Variants in CCKBR observed in about 807,000 individuals in gnomAD.
CCKBR encodes cholecystokinin B receptor.
In CCKBR, 33 loss-of-function variants were observed where a neutral mutation model predicts 34.6. That is an observed-to-expected ratio of 0.95 (90% CI 0.72 to 1.27). The LOEUF (loss-of-function observed/expected upper bound fraction) is 1.27. Ranked by LOEUF, CCKBR falls within the 50% of genes most tolerant of loss-of-function variation. The probability of loss-of-function intolerance (pLI) is 0.00; values close to 1 mark genes in which losing one functional copy is unlikely to be tolerated. For synonymous variants in CCKBR, 269 were observed against 267.5 expected, an observed-to-expected ratio of 1.01 and a Z score of -0.06; for missense variants, 652 against 617.4, an observed-to-expected ratio of 1.06 and a Z score of -0.59.
At chr11:6,260,564 A>G (rs1157675137) in intron 1 of CCKBR, among the ~76,000 whole-genome samples, 3 of 152,200 alleles carry the variant, frequency 2.0e-5, no homozygotes, top group Non-Finnish European at 2.9e-5. Flanking sequence ...TTGTGATCAC[A>G]TCTGACACCC....
At chr11:6,265,684 A>C (rs1404046969) in intron 1 of CCKBR, among the ~76,000 whole-genome samples, 1 of 152,140 alleles carries the variant, frequency 6.6e-6, no homozygotes, top group Non-Finnish European at 1.5e-5. Context: ...TCCACCATAC[A>C]CACTTACTCC....
intron 1 of CCKBR, among the ~76,000 whole-genome samples, 166 bp from the exon 2 acceptor site, chr11:6,269,503 G>A (rs1848258372): frequency 6.6e-6 from 1 of 152,096 alleles, no homozygotes; most frequent in South Asian, 2.1e-4. Context: ...AAACCTCAAG[G>A]GGTTAGAAGG....
intron 1 of CCKBR, among the ~76,000 whole-genome samples, chr11:6,267,201 A>G (rs34012909): frequency 0.013 from 1,980 of 152,328 alleles, 25 homozygotes; most frequent in Middle Eastern, 0.027. Flanking sequence ...TTAATAATAA[A>G]TTAAACTTAG....
In CCKBR at chr11:6,271,185, A is replaced by G. The variant is rs185405927; in HGVS notation, c.986A>G (p.Lys329Arg). 3 of 1,614,094 alleles carry G rather than the reference A, an allele frequency of 1.9e-6. No individual in the cohort carries two copies. In the East Asian group the frequency reaches 6.7e-5, roughly 36 times the overall value. ...ACCCAGGCCAAGCTGCTGGCTAAGA[A>G]GCGCGTGGTGCGAATGTTGCTGGTG... ...RPTQAKLLAK[K>R]RVVRMLLVIV... The change falls in exon 5 of 5, where the codon AAG becomes AGG. Residue 329 changes from lysine (K) to arginine (R), a missense_variant. Physicochemically the swap from Lys to Arg is conservative, Grantham distance 26. Transcript: ENST00000334619.
intron 1 of CCKBR, among the ~76,000 whole-genome samples, chr11:6,262,725 A>AGAGAGAGAGAGAGAGAGAGAGAGAGAG (rs59378041): frequency 6.8e-6 from 1 of 147,670 alleles, no homozygotes; most frequent in African/African-American, 2.5e-5. Flanking sequence ...AGAGAGAGAG[A>AGAGAGAGAGAGAGAGAGAGAGAGAGAG]AAGAAAAGCA....
chr11:6,261,450 A>T (rs771460180), intron 1 of CCKBR, among the ~76,000 whole-genome samples: 849 of 32,160 alleles, frequency 0.026, 58 homozygotes, highest in African/African-American at 0.029. Flanking sequence ...AAAAAAAAAA[A>T]AAAAATATAT....
At chr11:6,264,776 C>T in intron 1 of CCKBR, 1 of 473,818 alleles carries the variant, frequency 2.1e-6, no homozygotes, top group East Asian at 3.4e-5. Context: ...TTATTTTGTG[C>T]ATGACTTTTT....
In CCKBR at chr11:6,270,223, T is replaced by A; in HGVS notation, c.539T>A (p.Leu180Gln). ...HAARVIVATW[L>Q]LSGLLMVPYP... ...GCTCGCGTGATTGTAGCCACGTGGC[T>A]GCTGTCCGGACTACTCATGGTGCCC... Residue 180 changes from leucine (L) to glutamine (Q), a missense_variant, in exon 3 of 5, where the codon CTG becomes CAG. Coordinates refer to ENST00000334619, the MANE Select transcript of CCKBR (RefSeq NM_176875.4). 6.2e-7 allele frequency: 1 copy of A among 1,613,338 alleles called. No individual in the cohort carries two copies. The highest frequency in any genetic ancestry group is 8.5e-7 in the Non-Finnish European group (1 of 1,180,044).
At chr11:6,260,199 G>A in intron 1 of CCKBR, 120 bp downstream of exon 1, 1 of 674,958 alleles carries the variant, frequency 1.5e-6, no homozygotes, top group Non-Finnish European at 2.4e-6. Flanking sequence ...GCCTCTCATA[G>A]TACTCCCTCA....
Position 6,269,935 on chromosome 11 carries a change from C to T in CCKBR, c.403+15C>T. On this transcript the variant is annotated intron_variant, in intron 2 of 4. Transcript: ENST00000334619. The stretch of plus-strand genomic sequence containing the variant: ...CTACCTCATGGGTGGGTGAGACAAC[C>T]ACCCCACCCCCACTTGCCACTCTCC... 1 of 1,612,794 alleles carries T rather than the reference C, an allele frequency of 6.2e-7. No individual in the cohort carries two copies.
chr11:6,271,281 C>CG lies in CCKBR; in HGVS notation c.1085dup (p.Ala363CysfsTer61), dbSNP rs1369120662. The CG allele has an allele frequency of 6.2e-7, 1 of 1,614,190 alleles. No individual in the cohort carries two copies. The highest frequency in any genetic ancestry group is 2.2e-5 in the East Asian group (1 of 44,884). On this transcript the variant is annotated frameshift_variant, in exon 5 of 5. Transcript: ENST00000334619. LOFTEE classifies it high-confidence loss of function. ...AACACGTGGCGCGCCTTTGATGGCCCGGGTGCACACCGAGCACTCTCGGGT... is the reference window on the plus strand; with the variant it reads ...AACACGTGGCGCGCCTTTGATGGCCCGGGGTGCACACCGAGCACTCTCGGGT...
In CCKBR at chr11:6,270,654, T is replaced by C. The variant is rs1309695318; in HGVS notation, c.662T>C (p.Leu221Pro). ...SARVRQTWSV[L>P]LLLLLFFIPG... ...GTCTGTGTTGCCTTCAGGTCCGTAC[T>C]GCTGCTTCTGCTCTTGTTCTTCATC... is the stretch of plus-strand genomic sequence containing the variant. The change falls in exon 4 of 5, where the codon CTG becomes CCG. Residue 221 changes from leucine to proline, a missense_variant. Leu to Pro is a moderately conservative substitution (Grantham distance 98). Transcript: ENST00000334619. The C allele has an allele frequency of 6.2e-7, 1 of 1,608,466 alleles. No homozygotes were observed. The highest frequency in any genetic ancestry group is 2.2e-5 in the East Asian group (1 of 44,740).
intron 1 of CCKBR, among the ~76,000 whole-genome samples, chr11:6,265,931 AG>A (rs1340863722): frequency 6.6e-6 from 1 of 152,138 alleles, no homozygotes; most frequent in African/African-American, 2.4e-5. Context: ...ATGGATGAGG[AG>A]GGGGAAAGCA....
chr11:6,270,156 C>G lies in CCKBR; in HGVS notation c.472C>G (p.Arg158Gly), dbSNP rs1292305168. ...IALERYSAICRPLQARVWQTR... is the reference protein window; with the variant it reads ...IALERYSAICGPLQARVWQTR... ...ACTGGAGCGGTACAGCGCCATCTGC[C>G]GACCACTGCAGGCACGAGTGTGGCA... The change falls in exon 3 of 5, where the codon CGA (arginine) becomes GGA (glycine). Residue 158 changes from arginine to glycine, a missense_variant. Coordinates refer to ENST00000334619, the MANE Select transcript of CCKBR (RefSeq NM_176875.4). 2 of 1,613,938 alleles carry G rather than the reference C, an allele frequency of 1.2e-6. No homozygotes were observed. The highest frequency in any genetic ancestry group is 1.7e-6 in the Non-Finnish European group (2 of 1,179,966).
intron 1 of CCKBR, among the ~76,000 whole-genome samples, chr11:6,263,985 T>G (rs1848173475): frequency 6.6e-6 from 1 of 152,232 alleles, no homozygotes; most frequent in East Asian, 1.9e-4. Flanking sequence ...TATTAACCCT[T>G]GCTCTTTCAA....
In CCKBR at chr11:6,259,958, G is replaced by T; in HGVS notation, c.30G>T (p.Val10=). 2 of 1,531,290 alleles carry T rather than the reference G, an allele frequency of 1.3e-6. No individual in the cohort carries two copies. Among genetic ancestry groups the T allele is most frequent in the Non-Finnish European group, 1.7e-6 (2 of 1,144,618 alleles). 94.9% of individuals were successfully genotyped at this position (1,531,290 alleles called of 1,614,324 possible). The change falls in exon 1 of 5, where the codon GTG becomes GTT. Residue 10 remains valine (V), a synonymous_variant. Coordinates refer to ENST00000334619, the MANE Select transcript of CCKBR (RefSeq NM_176875.4). MELLKLNRS[V]QGTGPGPGAS... ...AGCTGCTAAAGCTGAACCGGAGCGT[G>T]CAGGGAACCGGACCCGGGCCGGGGG...
intron 1 of CCKBR, among the ~76,000 whole-genome samples, chr11:6,266,143 G>C (rs533848343): frequency 2.6e-5 from 4 of 152,214 alleles, no homozygotes; most frequent in African/African-American, 9.6e-5. Context: ...AAAATGCCAT[G>C]GTTGAGTATA....
rs1042045 is a variant in CCKBR at position 6,271,135 on chromosome 11, T to A, written c.936T>A (p.Pro312=). ...TGGAGCTGACGGCGCTGACGGCTCC[T>A]GGGCCGGGATCCGGCTCCCGGCCCA... ...PALELTALTA[P]GPGSGSRPTQ... The change falls in exon 5 of 5, where the codon CCT becomes CCA. Residue 312 remains proline, a synonymous_variant. Transcript: ENST00000334619. The A allele has an allele frequency of 6.2e-7, 1 of 1,613,914 alleles. No homozygotes were observed. The highest frequency in any genetic ancestry group is 2.2e-5 in the East Asian group (1 of 44,882).
At position 6,271,563 on chromosome 11, in the gene CCKBR, G is replaced by T. The variant is rs75702171; in HGVS notation, c.*20G>T. The T allele has an allele frequency of 7.6e-3, 11,843 of 1,555,360 alleles. 598 individuals carry two copies. In the African/African-American group the frequency reaches 0.13, roughly 17 times the overall value. On this transcript the variant is annotated 3_prime_UTR_variant, in exon 5 of 5. Transcript: ENST00000334619. ...GGCTGAGGAGTAGAGGGGCCGTGGG[G>T]GTTGAGGCAGGGCAAATGACATGCA...
Sources: gnomAD v4.1 joint callset for allele counts (sites outside exome capture counted in the v4.1 genomes callset) on GRCh38, gnomAD v4.1.1 for gene constraint, MANE v1.5 for transcripts, NCBI Gene and HGNC (gene_info 2026-07-23, HGNC 2026-07-21) for gene names.